Variants in DGKB observed in about 807,000 individuals in gnomAD.
The protein encoded by DGKB is diacylglycerol kinase beta.
Under a neutral mutation model 114.3 loss-of-function variants are expected in DGKB, and 67 were observed. The observed-to-expected ratio is 0.59, with a 90% CI of 0.48 to 0.72. The LOEUF is 0.72. DGKB is among the 30% of genes least tolerant of loss of function. The pLI is 0.00. For missense variants in DGKB, 907 were observed against 975.2 expected (o/e 0.93, Z 0.93); for synonymous variants, 398 against 323.1 (o/e 1.23, Z -2.49).
intron 20 of DGKB, among the ~76,000 whole-genome samples, chr7:14,544,954 T>C (rs1161515458): frequency 2.0e-5 from 3 of 152,144 alleles, no homozygotes; most frequent in East Asian, 3.9e-4. Context: ...GTATTTTTAC[T>C]GTCAGATGCT....
intron 2 of DGKB, among the ~76,000 whole-genome samples, chr7:14,798,802 A>G (rs987956628): frequency 6.6e-6 from 1 of 152,216 alleles, no homozygotes; most frequent in African/African-American, 2.4e-5. Context: ...CCCCAGTTCC[A>G]GAATGCCTAA....
chr7:14,816,242 G>C (rs1343122844), intron 2 of DGKB, among the ~76,000 whole-genome samples: 1 of 152,142 alleles, frequency 6.6e-6, no homozygotes, highest in Non-Finnish European at 1.5e-5. Flanking sequence ...GCCGAGACAG[G>C]AGAATCGCTT....
chr7:14,166,471 C>T (rs1288541092), intron 25 of DGKB, among the ~76,000 whole-genome samples: 1 of 152,092 alleles, frequency 6.6e-6, no homozygotes, highest in Non-Finnish European at 1.5e-5. Flanking sequence ...GCAGGTAGTT[C>T]TAGCTAATAA....
chr7:14,949,988 A>G (rs1205075229), intron 1 of DGKB, among the ~76,000 whole-genome samples: 1 of 151,928 alleles, frequency 6.6e-6, no homozygotes, highest in Middle Eastern at 3.2e-3. Context: ...GCATTAGGAG[A>G]TATACCTAAT....
chr7:14,448,799 G>A (rs1418961482), intron 21 of DGKB, among the ~76,000 whole-genome samples: 1 of 152,068 alleles, frequency 6.6e-6, no homozygotes, highest in Non-Finnish European at 1.5e-5. Context: ...ATCCAGACAA[G>A]TCTGTTTCAA....
At chr7:14,284,203 C>T (rs1220665669) in intron 23 of DGKB, among the ~76,000 whole-genome samples, 1 of 150,502 alleles carries the variant, frequency 6.6e-6, no homozygotes. Flanking sequence ...GGGCGAAGGA[C>T]ATGAACAGAC....
chr7:14,491,729 A>G (rs1410754834), intron 20 of DGKB, among the ~76,000 whole-genome samples: 1 of 152,110 alleles, frequency 6.6e-6, no homozygotes, highest in African/African-American at 2.4e-5. Flanking sequence ...AAAAAACAAA[A>G]TATCGTTGAT....
intron 20 of DGKB, among the ~76,000 whole-genome samples, chr7:14,534,111 TAATA>T (rs930160701): frequency 2.0e-5 from 3 of 152,046 alleles, no homozygotes; most frequent in East Asian, 1.9e-4. Context: ...AAATTTTGTT[TAATA>T]AATAAACAAT....
intron 21 of DGKB, among the ~76,000 whole-genome samples, chr7:14,379,344 C>A (rs979930431): frequency 4.0e-5 from 6 of 151,404 alleles, no homozygotes; most frequent in African/African-American, 1.5e-4. Context: ...CGCACCACTG[C>A]TACTAGAAAT....
At chr7:14,567,825 T>C (rs979630279) in intron 20 of DGKB, among the ~76,000 whole-genome samples, 9 of 151,788 alleles carry the variant, frequency 5.9e-5, no homozygotes, top group Admixed American at 6.6e-5. Context: ...CAGGCTGGCC[T>C]TGAACTCCTG....
At chr7:14,274,383 A>G (rs1289650503) in intron 23 of DGKB, among the ~76,000 whole-genome samples, 7 of 152,124 alleles carry the variant, frequency 4.6e-5, no homozygotes, top group African/African-American at 1.4e-4. Flanking sequence ...GACCTCCTCA[A>G]GTCACTTTCT....
chr7:14,787,040 C>T (rs1840001672), intron 2 of DGKB, among the ~76,000 whole-genome samples: 1 of 152,130 alleles, frequency 6.6e-6, no homozygotes, highest in Admixed American at 6.5e-5. Flanking sequence ...GATTTTGGGA[C>T]AACCTGCCAG....
intron 23 of DGKB, among the ~76,000 whole-genome samples, chr7:14,192,903 T>C (rs1167208263): frequency 2.0e-5 from 3 of 152,052 alleles, no homozygotes; most frequent in African/African-American, 7.2e-5. Flanking sequence ...CATCAGGTGT[T>C]AGATTCACAT....
intron 13 of DGKB, among the ~76,000 whole-genome samples, chr7:14,660,894 A>T (rs560956188): frequency 1.3e-5 from 2 of 152,032 alleles, no homozygotes; most frequent in Non-Finnish European, 2.9e-5. Flanking sequence ...CTCAGAAATA[A>T]TGCCACATAT....
At chr7:14,310,061 C>T (rs956657633) in intron 23 of DGKB, among the ~76,000 whole-genome samples, 6 of 152,060 alleles carry the variant, frequency 3.9e-5, no homozygotes, top group Admixed American at 1.3e-4. Context: ...GGTAGAAATT[C>T]CAGAACTGCC....
intron 12 of DGKB, among the ~76,000 whole-genome samples, chr7:14,675,071 T>C (rs1022201661): frequency 2.2e-4 from 34 of 152,258 alleles, no homozygotes; most frequent in Non-Finnish European, 1.9e-4. Flanking sequence ...TCTTTAATCT[T>C]GGGCAACTTC....
chr7:14,922,502 G>A (rs947224932), intron 1 of DGKB, among the ~76,000 whole-genome samples: 3 of 151,744 alleles, frequency 2.0e-5, no homozygotes, highest in Non-Finnish European at 4.4e-5. Context: ...GTCACTCAAA[G>A]ATGGTGGGTA....
intron 20 of DGKB, among the ~76,000 whole-genome samples, chr7:14,541,001 G>A (rs1793336636): frequency 6.6e-6 from 1 of 152,090 alleles, no homozygotes; most frequent in Non-Finnish European, 1.5e-5. Context: ...ATTTCATTGT[G>A]GCTGCATCTG....
intron 13 of DGKB, among the ~76,000 whole-genome samples, chr7:14,657,012 TA>T (rs960860927): frequency 1.3e-5 from 2 of 151,716 alleles, no homozygotes; most frequent in Admixed American, 1.3e-4. Context: ...ATGTAACAGA[TA>T]AATGGTTGGT....
Sources: allele counts gnomAD v4.1 joint callset (sites outside exome capture counted in the v4.1 genomes callset), GRCh38; gene constraint gnomAD v4.1.1; transcripts MANE v1.5; gene names NCBI Gene and HGNC (gene_info 2026-07-23, HGNC 2026-07-21).